Variants in ST18 observed in about 807,000 individuals in gnomAD.
ST18 encodes ST18 C2H2C-type zinc finger transcription factor, also known as suppression of tumorigenicity 18 protein.
ST18 carries 50 observed loss-of-function variants against 110.0 expected under a neutral mutation model. That is an observed-to-expected ratio of 0.45 (90% confidence interval 0.36 to 0.58). The LOEUF is 0.58. Among genes scored for constraint, ST18 ranks in the 20% least tolerant of loss-of-function variants. The probability of loss-of-function intolerance (pLI) is 0.00; values close to 1 mark genes in which losing one functional copy is unlikely to be tolerated. For missense variants in ST18, 1,306 were observed against 1,280.1 expected, an observed-to-expected ratio of 1.02 and a Z score of -0.31; for synonymous variants, 461 against 452.4, an observed-to-expected ratio of 1.02 and a Z score of -0.24.
chr8:52,369,043 G>A (rs1056355372), intron 2 of ST18, among the ~76,000 whole-genome samples: 6 of 152,024 alleles, frequency 3.9e-5, no homozygotes, highest in South Asian at 4.2e-4. Context: ...TAGCAATCAC[G>A]TTTGCTAAAA....
intron 2 of ST18, among the ~76,000 whole-genome samples, chr8:52,235,376 C>T (rs994443519): frequency 6.6e-6 from 1 of 152,032 alleles, no homozygotes; most frequent in African/African-American, 2.4e-5. Flanking sequence ...CGGTCAGCTC[C>T]AGACTGGAAG....
At chr8:52,171,229 C>T (rs971755192) in intron 10 of ST18, among the ~76,000 whole-genome samples, 2 of 152,194 alleles carry the variant, frequency 1.3e-5, no homozygotes, top group Non-Finnish European at 2.9e-5. Context: ...ACACTTTTCT[C>T]AAGGTCTGAA....
chr8:52,197,923 C>G (rs1283454329), intron 8 of ST18, among the ~76,000 whole-genome samples: 1 of 144,308 alleles, frequency 6.9e-6, no homozygotes. Flanking sequence ...AAATACAGAA[C>G]TTCTTCAGTA....
intron 2 of ST18, among the ~76,000 whole-genome samples, chr8:52,402,068 T>C (rs1842942223): frequency 6.6e-6 from 1 of 152,202 alleles, no homozygotes. Flanking sequence ...ATATCAGCAA[T>C]GACTGCAAGT....
chr8:52,164,999 TTC>T lies in ST18; in HGVS notation c.1295+134_1295+135del, dbSNP rs2062483210. 7 of 749,830 alleles carry T rather than the reference TTC, an allele frequency of 9.3e-6. No individual in the cohort carries two copies. The Admixed American group carries it at 1.7e-4, about 18-fold the overall frequency. The allele number at this position is 749,830 out of a possible 1,614,324, so 46.4% of individuals were successfully genotyped here. ...ACAATGCACATGCTGAGAATATTTC[TTC>T]TCTATTTCAAGTGTCACATATTGGA... On this transcript the variant is annotated intron_variant, in intron 12 of 25. Coordinates refer to ENST00000689386, the MANE Select transcript of ST18 (RefSeq NM_001352837.2).
chr8:52,310,377 A>T (rs1446477016), intron 2 of ST18, among the ~76,000 whole-genome samples: 4 of 136,540 alleles, frequency 2.9e-5, no homozygotes, highest in Non-Finnish European at 4.8e-5. Flanking sequence ...GCACTGTGTA[A>T]CTACTGTGTC....
At chr8:52,192,548 G>A (rs1465271227) in intron 8 of ST18, among the ~76,000 whole-genome samples, 3 of 152,212 alleles carry the variant, frequency 2.0e-5, no homozygotes. Flanking sequence ...GCCTCATGGA[G>A]GCATAGCTGA....
At chr8:52,310,948 C>T (rs977432091) in intron 2 of ST18, among the ~76,000 whole-genome samples, 16 of 152,202 alleles carry the variant, frequency 1.1e-4, no homozygotes, top group Non-Finnish European at 1.3e-4. Context: ...ATGCCACAGA[C>T]TGAGGTAGTG....
chr8:52,160,121 C>CT (rs2061040521), intron 14 of ST18, among the ~76,000 whole-genome samples: 1 of 152,096 alleles, frequency 6.6e-6, no homozygotes, highest in Non-Finnish European at 1.5e-5. Context: ...ATTGAATGCT[C>CT]TTATTAACTA....
At chr8:52,229,437 T>C (rs953891202) in intron 3 of ST18, among the ~76,000 whole-genome samples, 23 of 152,198 alleles carry the variant, frequency 1.5e-4, no homozygotes, top group African/African-American at 5.5e-4. Context: ...CCTGTTTTCT[T>C]GCAGGTTGTA....
chr8:52,370,528 T>C (rs1478965340), intron 2 of ST18, among the ~76,000 whole-genome samples: 5 of 152,004 alleles, frequency 3.3e-5, no homozygotes, highest in African/African-American at 4.8e-5. Flanking sequence ...CCTTCTGGAG[T>C]CTTGAAGGAG....
At chr8:52,397,101 C>G (rs528748696) in intron 2 of ST18, among the ~76,000 whole-genome samples, 172 of 152,294 alleles carry the variant, frequency 1.1e-3, no homozygotes, top group South Asian at 2.5e-3. Flanking sequence ...ATTTCACCAA[C>G]AGTGTACTGT....
In ST18 at chr8:52,217,828, C is replaced by A. The variant is rs955574936; in HGVS notation, c.-83G>T. 5 of 152,194 alleles carry A rather than the reference C, an allele frequency of 3.3e-5. No homozygotes were observed. Among genetic ancestry groups the A allele is most frequent in the African/African-American group, 1.2e-4 (5 of 41,440 alleles). 9.4% of individuals were successfully genotyped at this position (152,194 alleles called of 1,614,324 possible). A position where few individuals can be genotyped will look rare whatever the true frequency, so the allele number is the denominator to read the frequency against. ...TGGAGCTTACATCAGGGGCAATAAG[C>A]AGGTCTCTTCCACATCGCCCCAGTG... On this transcript the variant is annotated 5_prime_UTR_variant, in exon 6 of 26. Transcript: ENST00000689386.
At chr8:52,138,964 T>G (rs1378549904) in intron 17 of ST18, among the ~76,000 whole-genome samples, 1 of 152,198 alleles carries the variant, frequency 6.6e-6, no homozygotes. Context: ...TTTCCAATCA[T>G]TTTCAGGTAT....
At position 52,396,754 on chromosome 8, in the gene ST18, T is replaced by G. The variant is rs187187267; in HGVS notation, c.-465+12574A>C. Among the ~76,000 whole-genome samples, 11 of 152,240 alleles carry G rather than the reference T, an allele frequency of 7.2e-5. 2 individuals carry two copies. In the East Asian group the frequency reaches 2.1e-3, roughly 30 times the overall value. On this transcript the variant is annotated intron_variant, in intron 2 of 25. Coordinates refer to ENST00000689386, the MANE Select transcript of ST18 (RefSeq NM_001352837.2). ...TGGGGGAACCACCCCCATGATCTAA[T>G]TACTTCCAACAAGGTCCCTCCCCCA...
chr8:52,145,482 T>G (rs1258562477), intron 16 of ST18, among the ~76,000 whole-genome samples: 1 of 152,190 alleles, frequency 6.6e-6, no homozygotes, highest in Non-Finnish European at 1.5e-5. Context: ...TTAGAAACCT[T>G]CAGAGAGTGT....
intron 2 of ST18, among the ~76,000 whole-genome samples, chr8:52,368,673 TACAGTCTTCAGATA>T (rs1829112410): frequency 6.6e-6 from 1 of 152,166 alleles, no homozygotes; most frequent in African/African-American, 2.4e-5. Context: ...CATCATTCCT[TACAGTCTTCAGATA>T]ACCAAAGAAA....
intron 2 of ST18, among the ~76,000 whole-genome samples, chr8:52,408,758 G>C (rs1467083811): frequency 6.6e-6 from 1 of 152,076 alleles, no homozygotes; most frequent in Admixed American, 6.5e-5. Context: ...CTCAAAGAAA[G>C]AACCATGAAG....
chr8:52,156,810 G>A (rs1255390841), intron 15 of ST18, among the ~76,000 whole-genome samples: 1 of 152,176 alleles, frequency 6.6e-6, no homozygotes, highest in East Asian at 1.9e-4. Context: ...ACAATCTAGG[G>A]CACGATGTTT....
Sources: allele counts gnomAD v4.1 joint callset (sites outside exome capture counted in the v4.1 genomes callset), GRCh38; gene constraint gnomAD v4.1.1; transcripts MANE v1.5; gene names NCBI Gene and HGNC (gene_info 2026-07-23, HGNC 2026-07-21).